SAMMSON: variants seen among roughly 807,000 people sequenced by gnomAD.
SAMMSON encodes the protein long intergenic non-protein coding RNA 1212.
intron 9 of SAMMSON, among the ~76,000 whole-genome samples, chr3:70,363,101 A>G (rs901546810): frequency 6.6e-6 from 1 of 152,124 alleles, no homozygotes; most frequent in South Asian, 2.1e-4. Flanking sequence ...AAAGAAGAAT[A>G]GAAAACAGGG....
At chr3:70,343,572 A>G (rs529344760) in intron 7 of SAMMSON, among the ~76,000 whole-genome samples, 6 of 152,304 alleles carry the variant, frequency 3.9e-5, no homozygotes, top group African/African-American at 7.2e-5. Context: ...TTCTCACATT[A>G]TATCAAGGGT....
intron 4 of SAMMSON, among the ~76,000 whole-genome samples, chr3:70,175,689 A>C (rs937457007): frequency 6.6e-6 from 1 of 152,128 alleles, no homozygotes; most frequent in Non-Finnish European, 1.5e-5. Context: ...TCTCCTCCAG[A>C]AACTCTGCCA....
intron 7 of SAMMSON, among the ~76,000 whole-genome samples, chr3:70,300,067 C>A (rs1369323204): frequency 6.6e-6 from 1 of 152,046 alleles, no homozygotes; most frequent in African/African-American, 2.4e-5. Flanking sequence ...TGATTTATAG[C>A]CCAGCCAAAT....
At chr3:70,218,448 G>C (rs553846060) in intron 4 of SAMMSON, among the ~76,000 whole-genome samples, 2 of 152,082 alleles carry the variant, frequency 1.3e-5, no homozygotes, top group Non-Finnish European at 2.9e-5. Context: ...CTGAGTAATA[G>C]ACTGAGGTCA....
At chr3:70,390,728 C>T (rs1015186808), downstream of SAMMSON, among the ~76,000 whole-genome samples, 1 of 152,074 alleles carries the variant, frequency 6.6e-6, no homozygotes, top group Admixed American at 6.6e-5. Context: ...TAGGATTCAA[C>T]ATGAGATTTT....
At chr3:70,198,571 A>G (rs769961086) in intron 4 of SAMMSON, among the ~76,000 whole-genome samples, 2 of 152,100 alleles carry the variant, frequency 1.3e-5, no homozygotes, top group Non-Finnish European at 2.9e-5. Context: ...GTAAACAGAA[A>G]TCTTTCTTCT....
downstream of SAMMSON, among the ~76,000 whole-genome samples, chr3:70,394,764 T>A (rs1235314413): frequency 6.6e-6 from 1 of 152,136 alleles, no homozygotes; most frequent in Non-Finnish European, 1.5e-5. Context: ...GACATCGACA[T>A]CAATCCTTAT....
chr3:70,006,204 C>T (rs1435936875), intron 1 of SAMMSON, among the ~76,000 whole-genome samples: 1 of 152,150 alleles, frequency 6.6e-6, no homozygotes, highest in Non-Finnish European at 1.5e-5. Context: ...AGAACATGCA[C>T]CAATTACAGA....
chr3:70,369,081 TC>T (rs1358117934), intron 9 of SAMMSON, among the ~76,000 whole-genome samples: 7 of 151,654 alleles, frequency 4.6e-5, no homozygotes, highest in Non-Finnish European at 1.0e-4. Context: ...GATTTATACC[TC>T]AGTATTTTAT....
intron 2 of SAMMSON, among the ~76,000 whole-genome samples, chr3:70,397,855 A>G (rs1176792504): frequency 1.3e-5 from 2 of 152,238 alleles, no homozygotes; most frequent in East Asian, 3.8e-4. Flanking sequence ...TAGACAAACT[A>G]TAACACTATC....
intron 2 of SAMMSON, among the ~76,000 whole-genome samples, chr3:70,409,657 G>A (rs1701202965): frequency 6.6e-6 from 1 of 152,008 alleles, no homozygotes; most frequent in Admixed American, 6.6e-5. Flanking sequence ...AGGCTCTTTG[G>A]AACCAAAGAT....
chr3:70,026,908 G>A (rs2067042778), intron 3 of SAMMSON, among the ~76,000 whole-genome samples: 1 of 152,154 alleles, frequency 6.6e-6, no homozygotes, highest in African/African-American at 2.4e-5. Flanking sequence ...TCCCCGGATG[G>A]TGGAATAAGG....
At chr3:70,277,713 C>A (rs1400775598) in intron 6 of SAMMSON, among the ~76,000 whole-genome samples, 1 of 152,082 alleles carries the variant, frequency 6.6e-6, no homozygotes, top group Non-Finnish European at 1.5e-5. Context: ...GATGCCACCT[C>A]AGTCTAAGAT....
chr3:70,317,734 A>G (rs1448031863), intron 7 of SAMMSON, among the ~76,000 whole-genome samples: 2 of 151,608 alleles, frequency 1.3e-5, no homozygotes, highest in East Asian at 1.9e-4. Flanking sequence ...CTAAGTTACC[A>G]TTTCTGGTTT....
At chr3:70,335,534 T>A (rs1702654091) in intron 7 of SAMMSON, among the ~76,000 whole-genome samples, 1 of 151,984 alleles carries the variant, frequency 6.6e-6, no homozygotes, top group African/African-American at 2.4e-5. Context: ...TGAAGTTGAG[T>A]AACTAAAGTA....
chr3:70,398,469 A>C (rs1362232491), intron 2 of SAMMSON, among the ~76,000 whole-genome samples: 1 of 152,168 alleles, frequency 6.6e-6, no homozygotes, highest in Non-Finnish European at 1.5e-5. Context: ...TTTTTTAACA[A>C]CCCAAATAAA....
intron 4 of SAMMSON, among the ~76,000 whole-genome samples, chr3:70,090,066 C>T (rs953633623): frequency 2.6e-5 from 4 of 151,998 alleles, no homozygotes; most frequent in Admixed American, 2.0e-4. Flanking sequence ...TTCCCCCATT[C>T]GTTAAATATG....
intron 4 of SAMMSON, among the ~76,000 whole-genome samples, chr3:70,211,061 C>T (rs1362310232): frequency 3.3e-5 from 5 of 152,158 alleles, no homozygotes; most frequent in African/African-American, 1.2e-4. Context: ...GTAATTTTTG[C>T]ATCCATGTTT....
At chr3:70,394,636 T>C (rs1158586867), downstream of SAMMSON, among the ~76,000 whole-genome samples, 1 of 152,194 alleles carries the variant, frequency 6.6e-6, no homozygotes, top group Non-Finnish European at 1.5e-5. Flanking sequence ...CCTGTACTTA[T>C]TGCCACTGAA....
Sources: gnomAD v4.1 joint callset for allele counts (sites outside exome capture counted in the v4.1 genomes callset) on GRCh38, gnomAD v4.1.1 for gene constraint, MANE v1.5 for transcripts, NCBI Gene and HGNC (gene_info 2026-07-23, HGNC 2026-07-21) for gene names.